AUTS2: variants seen among roughly 807,000 people sequenced by gnomAD.
The protein encoded by AUTS2 is autism susceptibility gene 2 protein.
A neutral mutation model predicts 112.4 loss-of-function variants in AUTS2; 17 were observed. The observed-to-expected ratio is 0.15, with a 90% CI of 0.10 to 0.23. AUTS2 has a LOEUF of 0.23. AUTS2 is among the 10% of genes least tolerant of loss of function. AUTS2 has a pLI of 1.00. For synonymous variants in AUTS2, 751 were observed against 702.7 expected, an observed-to-expected ratio of 1.07 and a Z score of -1.09; for missense variants, 1,510 against 1,701.6, an observed-to-expected ratio of 0.89 and a Z score of 1.98.
intron 5 of AUTS2, among the ~76,000 whole-genome samples, chr7:70,594,216 CT>C (rs1333027154): frequency 6.6e-6 from 1 of 152,202 alleles, no homozygotes; most frequent in East Asian, 1.9e-4. Flanking sequence ...TGACCCTGAC[CT>C]TTGCTCTGTC....
intron 1 of AUTS2, among the ~76,000 whole-genome samples, chr7:69,706,378 A>T (rs576001950): frequency 2.4e-4 from 36 of 152,120 alleles, no homozygotes; most frequent in Non-Finnish European, 4.9e-4. Flanking sequence ...TGAGGGGGAA[A>T]TTGATAATCC....
chr7:69,897,576 C>T (rs1794801882), intron 1 of AUTS2, among the ~76,000 whole-genome samples: 1 of 142,786 alleles, frequency 7.0e-6, no homozygotes, highest in Admixed American at 7.1e-5. Context: ...CCCGTCTCTA[C>T]TAAAAATACA....
chr7:70,692,338 C>T (rs1808797435), intron 5 of AUTS2, among the ~76,000 whole-genome samples: 1 of 152,164 alleles, frequency 6.6e-6, no homozygotes, highest in East Asian at 1.9e-4. Flanking sequence ...CCTGTAACAC[C>T]GATTTTGCTA....
intron 4 of AUTS2, among the ~76,000 whole-genome samples, chr7:70,398,493 A>T (rs1168660075): frequency 6.6e-6 from 1 of 151,686 alleles, no homozygotes; most frequent in African/African-American, 2.4e-5. Flanking sequence ...ATATTTTTTG[A>T]TGTTATTGTA....
At chr7:70,683,116 T>TGGA (rs901199787) in intron 5 of AUTS2, among the ~76,000 whole-genome samples, 23 of 152,370 alleles carry the variant, frequency 1.5e-4, no homozygotes, top group African/African-American at 5.5e-4. Flanking sequence ...GAGCCATATT[T>TGGA]GGAGATGAGC....
At chr7:70,418,495 A>G (rs1316336973) in intron 4 of AUTS2, among the ~76,000 whole-genome samples, 1 of 152,190 alleles carries the variant, frequency 6.6e-6, no homozygotes, top group Non-Finnish European at 1.5e-5. Flanking sequence ...CCCAAATCCA[A>G]ATACGTATCT....
chr7:69,888,724 C>G (rs1301068844), intron 1 of AUTS2, among the ~76,000 whole-genome samples: 2 of 151,266 alleles, frequency 1.3e-5, no homozygotes, highest in African/African-American at 4.9e-5. Flanking sequence ...TGGGACTACA[C>G]CTCCACGCCT....
In AUTS2 at chr7:70,496,828, TCA is replaced by T. The variant is rs1337167430; in HGVS notation, c.690+61053_690+61054del. Among the ~76,000 whole-genome samples the T allele has an allele frequency of 3.2e-5, 3 of 93,432 alleles. No individual in the cohort carries two copies. In the South Asian group the frequency reaches 1.1e-3, roughly 35 times the overall value. 61.3% of individuals were successfully genotyped at this position (93,432 alleles called of 152,430 possible). On this transcript the variant is annotated intron_variant, in intron 5 of 18. Transcript: ENST00000342771. The stretch of plus-strand genomic sequence containing the variant: ...CATGCACACGTCACATCAGCATCGA[TCA>T]CACACTCCACGTACACAGTCACACA...
chr7:70,533,429 TGG>T (rs1800178563), intron 5 of AUTS2, among the ~76,000 whole-genome samples: 1 of 152,182 alleles, frequency 6.6e-6, no homozygotes, highest in South Asian at 2.1e-4. Context: ...TGTTTTCTAA[TGG>T]GTGTCCACAT....
rs780481267 is a variant in AUTS2, at chr7:70,486,804, G to A, written c.690+51023G>A. Among the ~76,000 whole-genome samples, 21 of 151,878 alleles carry A rather than the reference G, an allele frequency of 1.4e-4. 1 individual carries two copies. Among genetic ancestry groups the A allele is most frequent in the South Asian group, 8.3e-4 (4 of 4,800 alleles). ...TAAATGTTAGTTATTGTTGTCACGC[G>A]TTGGCTGGTAGTCTGTGGTGGTGGT... On this transcript the variant is annotated intron_variant, in intron 5 of 18. Transcript: ENST00000342771.
intron 4 of AUTS2, among the ~76,000 whole-genome samples, chr7:70,324,429 C>T (rs1790393868): frequency 6.6e-6 from 1 of 152,082 alleles, no homozygotes; most frequent in South Asian, 2.1e-4. Context: ...CAAGACCAGC[C>T]TGGGCAACAT....
At chr7:69,944,634 A>G (rs1293752958) in intron 2 of AUTS2, among the ~76,000 whole-genome samples, 1 of 152,160 alleles carries the variant, frequency 6.6e-6, no homozygotes, top group African/African-American at 2.4e-5. Context: ...TTCATGCTTC[A>G]TCTACTTTTT....
chr7:70,790,242 A>G lies in AUTS2; in HGVS notation c.3026A>G (p.Asn1009Ser), dbSNP rs1211320003. The change falls in exon 19 of 19, where the codon AAC (asparagine) becomes AGC (serine). Residue 1009 changes from asparagine (N) to serine (S), a missense_variant. Around this residue, in one of 3 missense-constraint regions of AUTS2, gnomAD observed 788 missense variants for 797.6 expected, o/e 0.99. Transcript: ENST00000342771. The surrounding 1 kb of genome is among the most constrained non-coding windows in gnomAD (Gnocchi z 7.6). Reference sequence around the variant, plus strand: ...CGGGCCTCGGAGCCGCCGCCTCCCAACTCCTCGTCCAGCGTGCACCCGGGG... The same window carrying G: ...CGGGCCTCGGAGCCGCCGCCTCCCAGCTCCTCGTCCAGCGTGCACCCGGGG... ...THRASEPPPP[N>S]SSSSVHPGPL... 9 of 1,612,300 alleles carry G rather than the reference A, an allele frequency of 5.6e-6. No homozygotes were observed. Among genetic ancestry groups the G allele is most frequent in the Non-Finnish European group, 7.6e-6 (9 of 1,179,702 alleles).
chr7:70,787,154 C>A, intron 17 of AUTS2, 55 bp from the exon 18 acceptor site: 1 of 1,548,778 alleles, frequency 6.5e-7, no homozygotes, highest in East Asian at 2.3e-5. Context: ...ACCTTCATTA[C>A]AGCAGATTAT....
chr7:70,703,210 C>T (rs1002376771), intron 6 of AUTS2, among the ~76,000 whole-genome samples: 1 of 152,066 alleles, frequency 6.6e-6, no homozygotes, highest in Non-Finnish European at 1.5e-5. Context: ...AAAACCCATT[C>T]CCGCCGAGCA....
rs1267873805 is a variant in AUTS2, at chr7:69,599,812, C to T, written c.159C>T (p.Gly53=). The part of the protein sequence containing the change: ...TRALSLASSS[G]SDKEDNGKPP... ...CGCTCTCACTCGCCTCGTCGTCGGG[C>T]TCCGACAAGGAAGACAATGGGAAGC... The change falls in exon 1 of 19, where the codon GGC becomes GGT. Residue 53 remains glycine (G), a synonymous_variant. Coordinates refer to ENST00000342771, the MANE Select transcript of AUTS2 (RefSeq NM_015570.4). This position sits in a 1 kb window ranked among gnomAD's most constrained non-coding sequence, Gnocchi z 7.0. The T allele has an allele frequency of 3.1e-6, 5 of 1,603,946 alleles. No individual in the cohort carries two copies. The highest frequency in any genetic ancestry group is 2.3e-5 in the East Asian group (1 of 43,666).
chr7:69,810,089 A>G (rs1349960148), intron 1 of AUTS2, among the ~76,000 whole-genome samples: 1 of 152,066 alleles, frequency 6.6e-6, no homozygotes, highest in Admixed American at 6.6e-5. Context: ...CTTCCCTCTT[A>G]CAGCTTCTCC....
chr7:69,920,978 C>A (rs547212750), intron 2 of AUTS2, among the ~76,000 whole-genome samples: 1 of 152,246 alleles, frequency 6.6e-6, no homozygotes, highest in South Asian at 2.1e-4. Flanking sequence ...TCACTAATCT[C>A]CCTCGTGGTT....
At position 70,280,272 on chromosome 7, in the gene AUTS2, TTTTC is replaced by T. The variant is rs1386564195; in HGVS notation, c.660+145713_660+145716del. On this transcript the variant is annotated intron_variant, in intron 4 of 18. Transcript: ENST00000342771. Reference sequence around the variant, plus strand: ...AAGTGAGGGAAACTTTTTTTTTCTTTTTTCTTTCTTTCTTTTTTTTTTTTTTTTC... The same window carrying T: ...AAGTGAGGGAAACTTTTTTTTTCTTTTTTCTTTCTTTTTTTTTTTTTTTTC... Among the ~76,000 whole-genome samples, 163 of 151,688 alleles carry T rather than the reference TTTTC, an allele frequency of 1.1e-3. 1 individual carries two copies. Among genetic ancestry groups the T allele is most frequent in the African/African-American group, 3.7e-3 (155 of 41,364 alleles).
Sources: gnomAD v4.1 joint callset for allele counts (sites outside exome capture counted in the v4.1 genomes callset) on GRCh38, gnomAD v4.1.1 for gene constraint, gnomAD v4.1.1 regional missense constraint, Gnocchi (gnomAD v3.1) non-coding constraint, MANE v1.5 for transcripts, NCBI Gene and HGNC (gene_info 2026-07-23, HGNC 2026-07-21) for gene names.